The following UBR1 variants were observed in gnomAD, a reference collection of about 807,000 sequenced individuals.
UBR1 encodes the protein E3 ubiquitin-protein ligase UBR1.
Under a neutral mutation model 242.1 loss-of-function variants are expected in UBR1, and 102 were observed. The observed-to-expected ratio is 0.42, with a 90% CI of 0.36 to 0.50. UBR1 has a LOEUF of 0.50. UBR1 is among the 20% of genes least tolerant of loss of function. The pLI is 0.01. For synonymous variants in UBR1, 675 were observed against 684.8 expected (o/e 0.99, Z 0.22); for missense variants, 1,772 against 2,101.8 (o/e 0.84, Z 3.07).
At chr15:43,044,626 C>T (rs1012388299) in intron 14 of UBR1, among the ~76,000 whole-genome samples, 3 of 152,202 alleles carry the variant, frequency 2.0e-5, no homozygotes, top group Non-Finnish European at 2.9e-5. Context: ...GGCGCAGTGG[C>T]TCACATCTGC....
At chr15:43,089,232 C>T (rs2034079064) in intron 1 of UBR1, among the ~76,000 whole-genome samples, 2 of 151,292 alleles carry the variant, frequency 1.3e-5, no homozygotes, top group Admixed American at 1.3e-4. Flanking sequence ...GTGGCTTATG[C>T]CTGTAATCCC....
At chr15:42,969,130 A>C (rs1320040743) in intron 40 of UBR1, among the ~76,000 whole-genome samples, 3 of 152,198 alleles carry the variant, frequency 2.0e-5, no homozygotes, top group African/African-American at 7.2e-5. Context: ...TTACACTCCC[A>C]CCAACAGTGT....
chr15:42,960,362 T>A (rs2031994667), intron 43 of UBR1, among the ~76,000 whole-genome samples: 1 of 152,224 alleles, frequency 6.6e-6, no homozygotes. Flanking sequence ...AGCTCCATGA[T>A]GCCTCCTCCA....
At chr15:42,991,317 G>A (rs1407689538) in intron 33 of UBR1, among the ~76,000 whole-genome samples, 1 of 151,970 alleles carries the variant, frequency 6.6e-6, no homozygotes, top group Non-Finnish European at 1.5e-5. Flanking sequence ...TTGCCGGTTG[G>A]CTTCAATTTC....
chr15:42,990,154 A>C, intron 33 of UBR1, 34 bp from the exon 34 acceptor site: 2 of 1,441,888 alleles, frequency 1.4e-6, no homozygotes, highest in African/African-American at 1.4e-5. Flanking sequence ...AAGAAAAATC[A>C]TGAATGAGTT....
Position 42,964,034 on chromosome 15 carries a change from T to C in UBR1, c.4601A>G (p.Glu1534Gly), listed in dbSNP as rs2141257605. 1 of 1,602,522 alleles carries C rather than the reference T, an allele frequency of 6.2e-7. No individual in the cohort carries two copies. Among genetic ancestry groups the C allele is most frequent in the Non-Finnish European group, 8.5e-7 (1 of 1,169,692 alleles). Residue 1534 changes from glutamate to glycine, a missense_variant, in exon 42 of 47, where the codon GAA becomes GGA. By Grantham distance (98) the Glu-to-Gly change is moderately conservative (BLOSUM62 -2). This residue lies in a region of UBR1 where 965 missense variants were observed against 1,079.7 expected (regional missense o/e 0.89). Transcript: ENST00000290650. The part of the protein sequence containing the change: ...PPEELHTNSA[E>G]GEYSALCSYL... Reference sequence around the variant, plus strand: ...GCTACAGAGTGCACTGTACTCTCCTTCTGCAGAATCTGCAAGAGAATAAAA... The same window carrying C: ...GCTACAGAGTGCACTGTACTCTCCTCCTGCAGAATCTGCAAGAGAATAAAA...
In UBR1 at chr15:42,970,578, TG is replaced by T; in HGVS notation, c.4398del (p.Asp1466GlufsTer36). On this transcript the variant is annotated frameshift_variant, in exon 40 of 47. Transcript: ENST00000290650. LOFTEE classifies it high-confidence loss of function. Reference sequence around the variant, plus strand: ...GAAGATGCGGAATGAGCCTCTTCACTGTCTTCTTGAACCTGAGCAAGGGGTA... The same window carrying T: ...GAAGATGCGGAATGAGCCTCTTCACTTCTTCTTGAACCTGAGCAAGGGGTA... ...TGLPLAQVQE[D>X]SEEAHSASSF... 1 of 1,613,892 alleles carries T rather than the reference TG, an allele frequency of 6.2e-7. No homozygotes were observed. The highest frequency in any genetic ancestry group is 8.5e-7 in the Non-Finnish European group (1 of 1,180,014).
At position 43,086,131 on chromosome 15, in the gene UBR1, T is replaced by G; in HGVS notation, c.191A>C (p.Glu64Ala). 2.5e-6 allele frequency: 4 copies of G among 1,614,040 alleles called. No individual in the cohort carries two copies. The highest frequency in any genetic ancestry group is 2.2e-5 in the East Asian group (1 of 44,864). Residue 64 changes from glutamate (E) to alanine (A), a missense_variant, in exon 2 of 47, where the codon GAA becomes GCA. Physicochemically the swap from Glu to Ala is moderately radical, Grantham distance 107. This residue lies in a region of UBR1 where 734 missense variants were observed against 893.3 expected (regional missense o/e 0.82). Transcript: ENST00000290650. ...EMDPDLEKQE[E>A]SVQMSIFTPL... ...AGTGAATATTGACATTTGTACACTT[T>G]CCTCCTGCTTTTCCAAGTCTGGGTC...
At chr15:42,982,750 T>G (rs2032396464) in intron 37 of UBR1, among the ~76,000 whole-genome samples, 1 of 152,212 alleles carries the variant, frequency 6.6e-6, no homozygotes, top group South Asian at 2.1e-4. Flanking sequence ...AAAAAATGTC[T>G]GCTAGTTCAG....
chr15:43,037,623 T>A (rs1173924859), intron 17 of UBR1, 150 bp downstream of exon 17: 2 of 685,750 alleles, frequency 2.9e-6, no homozygotes, highest in Non-Finnish European at 5.2e-6. Context: ...AATGTCTATA[T>A]AGTTCCTAGA....
chr15:42,952,916 C>T (rs970502680), intron 44 of UBR1, among the ~76,000 whole-genome samples: 1 of 151,980 alleles, frequency 6.6e-6, no homozygotes, highest in African/African-American at 2.4e-5. Context: ...CACATTCCCC[C>T]CATTTCTTTT....
chr15:43,025,577 A>G, intron 23 of UBR1, 148 bp from the exon 24 acceptor site: 2 of 649,160 alleles, frequency 3.1e-6, no homozygotes, highest in Non-Finnish European at 5.4e-6. Flanking sequence ...CCTAGAAATA[A>G]AATTGTGTTC....
chr15:42,951,171 AT>A (rs1329218829), intron 45 of UBR1, among the ~76,000 whole-genome samples: 1 of 152,148 alleles, frequency 6.6e-6, no homozygotes, highest in African/African-American at 2.4e-5. Context: ...TCCACTTTGA[AT>A]TTTATTTCTC....
intron 6 of UBR1, among the ~76,000 whole-genome samples, chr15:43,062,737 G>T (rs2088597825): frequency 6.6e-6 from 1 of 152,028 alleles, no homozygotes. Flanking sequence ...GGGACTACAG[G>T]AATCCAACAA....
intron 3 of UBR1, among the ~76,000 whole-genome samples, chr15:43,077,173 G>C (rs2033916035): frequency 6.6e-6 from 1 of 151,216 alleles, no homozygotes; most frequent in Non-Finnish European, 1.5e-5. Flanking sequence ...CATTGGGGAT[G>C]GGCCATGATG....
chr15:42,943,802 CA>C lies in UBR1; in HGVS notation c.*1526del, dbSNP rs1489593799. ...TCCTGATCCTTACCTGTTATTGTTA[CA>C]AATTGTTCACTAGACATGTATCTAT... On this transcript the variant is annotated 3_prime_UTR_variant, in exon 47 of 47. Transcript: ENST00000290650. 6.6e-6 allele frequency: 1 copy of C among 152,228 alleles called. No individual in the cohort carries two copies. The highest frequency in any genetic ancestry group is 1.5e-5 in the Non-Finnish European group (1 of 68,032). The allele number at this position is 152,228 out of a possible 1,614,324, so 9.4% of individuals were successfully genotyped here. A position where few individuals can be genotyped will look rare whatever the true frequency, so the allele number is the denominator to read the frequency against.
At chr15:43,069,106 C>T (rs970528360) in intron 5 of UBR1, among the ~76,000 whole-genome samples, 1 of 152,110 alleles carries the variant, frequency 6.6e-6, no homozygotes, top group African/African-American at 2.4e-5. Context: ...ACTTAAGCGC[C>T]AGCACTGCCA....
intron 44 of UBR1, among the ~76,000 whole-genome samples, chr15:42,957,112 G>A (rs2031933495): frequency 6.6e-6 from 1 of 151,690 alleles, no homozygotes; most frequent in Non-Finnish European, 1.5e-5. Flanking sequence ...GTCAAAAGGG[G>A]GAAACAACCT....
chr15:43,011,905 A>G (rs2032928026), intron 29 of UBR1: 2 of 453,554 alleles, frequency 4.4e-6, no homozygotes. Flanking sequence ...AGAGACCACT[A>G]TGCAGCAGTC....
Sources: gnomAD v4.1 joint callset for allele counts (sites outside exome capture counted in the v4.1 genomes callset) on GRCh38, gnomAD v4.1.1 for gene constraint, gnomAD v4.1.1 regional missense constraint, MANE v1.5 for transcripts, NCBI Gene and HGNC (gene_info 2026-07-23, HGNC 2026-07-21) for gene names.